DGKK: variants seen among roughly 807,000 people sequenced by gnomAD.
The protein encoded by DGKK is 142 kDa diacylglycerol kinase.
DGKK carries 35 observed loss-of-function variants against 92.2 expected under a neutral mutation model. That is an observed-to-expected ratio of 0.38 (90% CI 0.29 to 0.50). The LOEUF (loss-of-function observed/expected upper bound fraction) is 0.50. Ranked by LOEUF, DGKK falls within the 20% of genes least tolerant of loss-of-function variation. The pLI is 0.92. For synonymous variants in DGKK, 368 were observed against 360.6 expected (o/e 1.02, Z -0.23); for missense variants, 910 against 992.2 (o/e 0.92, Z 1.11).
At chrX:50,382,902 C>A (rs1170349779) in intron 17 of DGKK, among the ~76,000 whole-genome samples, 1 of 111,476 alleles carries the variant, frequency 9.0e-6, no homozygotes, top group Admixed American at 9.5e-5. Flanking sequence ...GTATGAGTGG[C>A]CCATATTTTC....
chrX:50,443,904 T>A (rs1437809733), intron 1 of DGKK, among the ~76,000 whole-genome samples: 1 of 110,666 alleles, frequency 9.0e-6, no homozygotes, highest in Non-Finnish European at 1.9e-5. Flanking sequence ...AAATCTATTC[T>A]CCTTTTCTAT....
intron 22 of DGKK, 113 bp downstream of exon 22, chrX:50,377,985 C>T: frequency 1.1e-6 from 1 of 934,749 alleles, no homozygotes. Flanking sequence ...GACTCTGATG[C>T]CAGGGGCACA....
At chrX:50,396,420 CT>C (rs1378934987) in intron 8 of DGKK, among the ~76,000 whole-genome samples, 1 of 111,664 alleles carries the variant, frequency 9.0e-6, no homozygotes, top group Non-Finnish European at 1.9e-5. Context: ...ATATGTATTT[CT>C]TTTTTAAAAA....
Position 50,447,369 on chromosome X carries a change from TTATATATATATATAA to T in DGKK, c.645+22650_645+22664del, listed in dbSNP as rs1926362901. ...TATATATATATATAATATATATATA[TTATATATATATATAA>T]TATATATATATTATATATATATATA... On this transcript the variant is annotated intron_variant, in intron 1 of 27. Transcript: ENST00000611977. Among the ~76,000 whole-genome samples, 12 of 11,614 alleles carry T rather than the reference TTATATATATATATAA, an allele frequency of 1.0e-3. 1 individual carries two copies. The Admixed American group carries it at 0.025, about 24-fold the overall frequency. 10.1% of individuals were successfully genotyped at this position (11,614 alleles called of 115,157 possible).
rs371665326 is a variant in DGKK at position 50,470,328 on chromosome X, A to AGGTTCTGGGGCC, written c.339_350dup (p.Pro115_Ala118dup). On this transcript the variant is annotated inframe_insertion, in exon 1 of 28. Transcript: ENST00000611977. ...TCGGCTCTGGGGCAGACTCTGTGGC[A>AGGTTCTGGGGCC]GGTTCTGGGGCCGGTTCTGGGGCCG... 2.3e-5 allele frequency: 28 copies of AGGTTCTGGGGCC among 1,203,042 alleles called. No individual in the cohort carries two copies. Among genetic ancestry groups the AGGTTCTGGGGCC allele is most frequent in the African/African-American group, 1.1e-4 (6 of 55,480 alleles).
In DGKK at chrX:50,470,729, G is replaced by A. The variant is rs1276143848; in HGVS notation, c.-51C>T. 2.8e-6 allele frequency: 3 copies of A among 1,076,081 alleles called. No homozygotes were observed. In the African/African-American group the frequency reaches 5.7e-5, roughly 20 times the overall value. The allele number at this position is 1,076,081 out of a possible 1,213,427, so 88.7% of individuals were successfully genotyped here. ...CAGCCTGAGTCCCTAAGCCTGGAAG[G>A]CTAAAGTACCCTCGGGCGCCCCGCC... On this transcript the variant is annotated 5_prime_UTR_variant, in exon 1 of 28. Coordinates refer to ENST00000611977, the MANE Select transcript of DGKK (RefSeq NM_001013742.4).
chrX:50,438,191 C>A (rs782800645), intron 1 of DGKK, among the ~76,000 whole-genome samples: 2 of 110,810 alleles, frequency 1.8e-5, no homozygotes, highest in Admixed American at 9.6e-5. Context: ...AAAATTGAAA[C>A]ACAAATACCA....
intron 1 of DGKK, among the ~76,000 whole-genome samples, chrX:50,462,508 G>A (rs1428504965): frequency 9.3e-6 from 1 of 107,525 alleles, no homozygotes; most frequent in Non-Finnish European, 1.9e-5. Context: ...CTTAGATTAG[G>A]AGGATTTCTT....
At chrX:50,369,054 G>A (rs1236154710) in intron 27 of DGKK, 35 bp from the exon 28 acceptor site, 3 of 1,105,850 alleles carry the variant, frequency 2.7e-6, no homozygotes, top group East Asian at 3.0e-5. Flanking sequence ...GAAATAATGA[G>A]GTTAGCACAA....
intron 1 of DGKK, among the ~76,000 whole-genome samples, chrX:50,446,631 G>T (rs1453641598): frequency 6.3e-5 from 7 of 111,046 alleles, no homozygotes; most frequent in Admixed American, 9.6e-5. Context: ...CAAGTCCTTT[G>T]TTGGATATGT....
chrX:50,369,362 T>G (rs947469438), intron 27 of DGKK, among the ~76,000 whole-genome samples: 3 of 111,433 alleles, frequency 2.7e-5, no homozygotes, highest in African/African-American at 9.8e-5. Flanking sequence ...CAAGAGATTC[T>G]CTCTTGGCAT....
intron 1 of DGKK, among the ~76,000 whole-genome samples, chrX:50,425,325 T>C (rs1445982631): frequency 9.0e-6 from 1 of 110,564 alleles, no homozygotes; most frequent in Non-Finnish European, 1.9e-5. Context: ...GAAGACTTCA[T>C]ATAAAAATTC....
At chrX:50,447,408 TAATATATATA>T (rs1926385893) in intron 1 of DGKK, among the ~76,000 whole-genome samples, 1 of 13,189 alleles carries the variant, frequency 7.6e-5, no homozygotes, top group Non-Finnish European at 1.0e-4. Flanking sequence ...TATATATATA[TAATATATATA>T]TATATATATT....
chrX:50,433,274 T>A (rs1925933962), intron 1 of DGKK, among the ~76,000 whole-genome samples: 1 of 111,924 alleles, frequency 8.9e-6, no homozygotes, highest in African/African-American at 3.3e-5. Flanking sequence ...ATCTTAGATC[T>A]CCCTGCCCTG....
chrX:50,455,642 A>C (rs1330458914), intron 1 of DGKK, among the ~76,000 whole-genome samples: 5 of 111,748 alleles, frequency 4.5e-5, no homozygotes, highest in African/African-American at 1.6e-4. Context: ...CACATTAATA[A>C]TATTCCCCTC....
In DGKK at chrX:50,392,333, G is replaced by T. The variant is rs1557225650; in HGVS notation, c.1704+8C>A. The T allele has an allele frequency of 2.5e-6, 3 of 1,186,435 alleles. No homozygotes were observed. In the Admixed American group the frequency reaches 6.5e-5, roughly 26 times the overall value. ...GCAATGGCTAAACTGAGTCATCCAG[G>T]GACTTACCTTTTCATGTAATCCAAA... is the stretch of plus-strand genomic sequence containing the variant. On this transcript the variant is annotated splice_region_variant and intron_variant, in intron 10 of 27. Coordinates refer to ENST00000611977, the MANE Select transcript of DGKK (RefSeq NM_001013742.4).
In DGKK at chrX:50,382,499, T is replaced by C. The variant is rs1924437459; in HGVS notation, c.2654A>G (p.Tyr885Cys). The change falls in exon 18 of 28, where the codon TAC becomes TGC. Residue 885 changes from tyrosine to cysteine, a missense_variant. Physicochemically the swap from Tyr to Cys is radical, Grantham distance 194. Transcript: ENST00000611977. ...GAAGGGAGTTTCTTTTCCTTACTTG[T>C]ATTGCCCTGGGTGTTCATCTCTTCT... ...NTRRDEHPGQ[Y>C]NSRLKNKMWY... The C allele has an allele frequency of 8.3e-7, 1 of 1,199,295 alleles. No individual in the cohort carries two copies. Among genetic ancestry groups the C allele is most frequent in the Non-Finnish European group, 1.1e-6 (1 of 887,275 alleles).
At chrX:50,426,386 A>T in intron 1 of DGKK, among the ~76,000 whole-genome samples, 1 of 112,469 alleles carries the variant, frequency 8.9e-6, no homozygotes, top group Non-Finnish European at 1.9e-5. Flanking sequence ...CTTTCAATTT[A>T]TAACTTGTGA....
intron 22 of DGKK, among the ~76,000 whole-genome samples, 165 bp downstream of exon 22, chrX:50,377,933 G>A (rs1330738578): frequency 1.8e-5 from 2 of 111,177 alleles, no homozygotes; most frequent in African/African-American, 3.3e-5. Flanking sequence ...AGTGGGTCTG[G>A]TGTGGGGGCC....
Sources: gnomAD v4.1 joint callset for allele counts (sites outside exome capture counted in the v4.1 genomes callset) on GRCh38, gnomAD v4.1.1 for gene constraint, MANE v1.5 for transcripts, NCBI Gene and HGNC (gene_info 2026-07-23, HGNC 2026-07-21) for gene names.